PAPPA2: variants seen among roughly 807,000 people sequenced by gnomAD.
PAPPA2 encodes pappalysin-2.
A neutral mutation model predicts 176.4 loss-of-function variants in PAPPA2; 86 were observed. That is an observed-to-expected ratio of 0.49 (90% CI 0.41 to 0.58). The LOEUF is 0.58. Among genes scored for constraint, PAPPA2 ranks in the 20% least tolerant of loss-of-function variants. The pLI, the probability that PAPPA2 is intolerant of heterozygous loss-of-function variation, is 0.00. For synonymous variants in PAPPA2, 809 were observed against 852.2 expected (o/e 0.95, Z 0.88); for missense variants, 2,073 against 2,256.9 (o/e 0.92, Z 1.65).
intron 2 of PAPPA2, among the ~76,000 whole-genome samples, chr1:176,586,538 C>T (rs192545227): frequency 2.2e-4 from 33 of 152,140 alleles, no homozygotes; most frequent in African/African-American, 7.0e-4. Context: ...TGAGAACATG[C>T]GGTGTTTGGT....
intron 14 of PAPPA2, among the ~76,000 whole-genome samples, chr1:176,750,500 G>C (rs1175525557): frequency 1.3e-5 from 2 of 152,060 alleles, no homozygotes; most frequent in Non-Finnish European, 2.9e-5. Flanking sequence ...AGCTACTTGG[G>C]AGGCTGAGGC....
At chr1:176,797,377 C>T (rs1487618581) in intron 20 of PAPPA2, among the ~76,000 whole-genome samples, 2 of 152,172 alleles carry the variant, frequency 1.3e-5, no homozygotes, top group Non-Finnish European at 2.9e-5. Flanking sequence ...GGCACAGTGG[C>T]TCCTGCCTGT....
chr1:176,804,635 A>G (rs1571351956), intron 21 of PAPPA2, among the ~76,000 whole-genome samples: 2 of 152,034 alleles, frequency 1.3e-5, no homozygotes, highest in Admixed American at 6.5e-5. Flanking sequence ...TCTGGTCTCT[A>G]TTTTACCACT....
chr1:176,710,289 A>G lies in PAPPA2; in HGVS notation c.3651+113A>G, dbSNP rs997796354. The stretch of plus-strand genomic sequence containing the variant: ...TAATTAAAAGAAGAAGTAAGGAGTT[A>G]GAAGCCCTAGGGAACATTACTGGAT... On this transcript the variant is annotated intron_variant, in intron 11 of 22. Coordinates refer to ENST00000367662, the MANE Select transcript of PAPPA2 (RefSeq NM_020318.3). 8.4e-6 allele frequency: 8 copies of G among 955,642 alleles called. No homozygotes were observed. The African/African-American group carries it at 1.3e-4, about 16-fold the overall frequency. 59.2% of individuals were successfully genotyped at this position (955,642 alleles called of 1,614,324 possible).
Position 176,650,116 on chromosome 1 carries a change from C to T in PAPPA2, c.1992-20854C>T, listed in dbSNP as rs147488284. On this transcript the variant is annotated intron_variant, in intron 3 of 22. Coordinates refer to ENST00000367662, the MANE Select transcript of PAPPA2 (RefSeq NM_020318.3). ...GATATTTATAATCATTATATTATCT[C>T]GCTCAATTGTCCCCTTTGTCATTAT... 1.2e-3 allele frequency among the ~76,000 whole-genome samples: 187 copies of T among 151,574 alleles called. 2 individuals carry two copies. In the East Asian group the frequency reaches 0.02, roughly 16 times the overall value.
chr1:176,556,370 G>A lies in PAPPA2; in HGVS notation c.48G>A (p.Gly16=). 1.2e-6 allele frequency: 2 copies of A among 1,614,194 alleles called. No individual in the cohort carries two copies. Among genetic ancestry groups the A allele is most frequent in the Non-Finnish European group, 1.7e-6 (2 of 1,180,028 alleles). Residue 16 remains glycine, a synonymous_variant, in exon 2 of 23, where the codon GGG becomes GGA. Transcript: ENST00000367662. ...GAATAAGCCTGGCGATTTTGGCTGG[G>A]TGGGCACTCTGTTCTGCCAACTCTG... is the stretch of plus-strand genomic sequence containing the variant. ...ILRISLAILA[G]WALCSANSEL... is the part of the protein sequence containing the mutation.
At chr1:176,775,097 C>T (rs150597641) in intron 17 of PAPPA2, among the ~76,000 whole-genome samples, 42 of 152,272 alleles carry the variant, frequency 2.8e-4, no homozygotes, top group Middle Eastern at 3.4e-3. Flanking sequence ...GGACTCCTCT[C>T]ATAGGCTGCC....
At chr1:176,641,367 T>C (rs1657077523) in intron 3 of PAPPA2, among the ~76,000 whole-genome samples, 1 of 151,860 alleles carries the variant, frequency 6.6e-6, no homozygotes, top group Non-Finnish European at 1.5e-5. Flanking sequence ...GATTTTTGTA[T>C]AAGGTGTAAG....
chr1:176,561,589 ATTTAT>A (rs1558438549), intron 2 of PAPPA2, among the ~76,000 whole-genome samples: 1 of 152,222 alleles, frequency 6.6e-6, no homozygotes, highest in African/African-American at 2.4e-5. Context: ...CAAAGGGCTC[ATTTAT>A]TTTATTTAAA....
chr1:176,597,545 G>T lies in PAPPA2; in HGVS notation c.1991+1950G>T, dbSNP rs1506778. Among the ~76,000 whole-genome samples, 495 of 152,210 alleles carry T rather than the reference G, an allele frequency of 3.3e-3. 9 individuals carry two copies. Among genetic ancestry groups the T allele is most frequent in the Admixed American group, 0.028 (433 of 15,296 alleles). On this transcript the variant is annotated intron_variant, in intron 3 of 22. Coordinates refer to ENST00000367662, the MANE Select transcript of PAPPA2 (RefSeq NM_020318.3). ...ACCGGGGTCTGTCATGGGCTGGGGG[G>T]CTAGGGGAAGGATAGCATTAGGAGA...
At chr1:176,599,917 G>C (rs1180265073) in intron 3 of PAPPA2, among the ~76,000 whole-genome samples, 1 of 151,874 alleles carries the variant, frequency 6.6e-6, no homozygotes, top group African/African-American at 2.4e-5. Flanking sequence ...GGAGGAGAGA[G>C]GTTTTCTTTC....
chr1:176,676,387 G>A (rs747336194), intron 4 of PAPPA2, among the ~76,000 whole-genome samples: 46 of 151,548 alleles, frequency 3.0e-4, no homozygotes, highest in Non-Finnish European at 5.2e-4. Flanking sequence ...TCGACACAAT[G>A]AAATACTACT....
chr1:176,731,714 TACAC>T (rs550280621), intron 12 of PAPPA2, among the ~76,000 whole-genome samples: 2,662 of 149,716 alleles, frequency 0.018, 37 homozygotes, highest in Non-Finnish European at 0.025. Context: ...TGTGTATATA[TACAC>T]ACATATATGT....
At position 176,810,573 on chromosome 1, in the gene PAPPA2, A is replaced by G. The variant is rs145162153; in HGVS notation, c.5202+10441A>G. On this transcript the variant is annotated intron_variant, in intron 21 of 22. Transcript: ENST00000367662. ...TTTACAGGAGGCAGATCCAGGCTAT[A>G]ACACTGGCTCTTCCACCACTCACCT... Among the ~76,000 whole-genome samples, 50 of 152,268 alleles carry G rather than the reference A, an allele frequency of 3.3e-4. 1 individual carries two copies. In the East Asian group the frequency reaches 8.7e-3, roughly 26 times the overall value.
chr1:176,791,243 A>C lies in PAPPA2; in HGVS notation c.4885-104A>C, dbSNP rs1374864189. 2.3e-5 allele frequency: 13 copies of C among 558,350 alleles called. No individual in the cohort carries two copies. In the East Asian group the frequency reaches 8.6e-4, roughly 37 times the overall value. 34.6% of individuals were successfully genotyped at this position (558,350 alleles called of 1,614,324 possible). A position where few individuals can be genotyped will look rare whatever the true frequency, so the allele number is the denominator to read the frequency against. The stretch of plus-strand genomic sequence containing the variant: ...TTGTTTCAATAGTGTCTTTTGGTCC[A>C]GGTTCTAGAACTGGAGAATACTACC... On this transcript the variant is annotated intron_variant, in intron 18 of 22. Transcript: ENST00000367662.
intron 1 of PAPPA2, among the ~76,000 whole-genome samples, chr1:176,476,009 G>A (rs1383655130): frequency 6.6e-6 from 1 of 152,056 alleles, no homozygotes; most frequent in East Asian, 1.9e-4. Context: ...CTGAGTTACT[G>A]TAGTTATTTG....
At chr1:176,587,682 T>C (rs995603775) in intron 2 of PAPPA2, among the ~76,000 whole-genome samples, 1 of 152,232 alleles carries the variant, frequency 6.6e-6, no homozygotes, top group Non-Finnish European at 1.5e-5. Context: ...CTGTGTTGGT[T>C]ACTGTAGACT....
At chr1:176,517,722 G>A (rs1648992484) in intron 1 of PAPPA2, among the ~76,000 whole-genome samples, 1 of 152,120 alleles carries the variant, frequency 6.6e-6, no homozygotes, top group Non-Finnish European at 1.5e-5. Context: ...CCTCACTTTG[G>A]AATCACTCAC....
chr1:176,839,112 C>T (rs916754774), intron 21 of PAPPA2, among the ~76,000 whole-genome samples: 4 of 152,130 alleles, frequency 2.6e-5, no homozygotes, highest in Admixed American at 2.6e-4. Flanking sequence ...AAGGTGGCTT[C>T]AGAACTCAAG....
Sources: gnomAD v4.1 joint callset for allele counts (sites outside exome capture counted in the v4.1 genomes callset) on GRCh38, gnomAD v4.1.1 for gene constraint, MANE v1.5 for transcripts, NCBI Gene and HGNC (gene_info 2026-07-23, HGNC 2026-07-21) for gene names.